TAL1: variants seen among roughly 807,000 people sequenced by gnomAD.
TAL1 encodes the protein T-cell acute lymphocytic leukemia protein 1.
A neutral mutation model predicts 17.9 loss-of-function variants in TAL1; 8 were observed. The observed-to-expected ratio is 0.45, with a 90% confidence interval of 0.26 to 0.81. The LOEUF (loss-of-function observed/expected upper bound fraction) is 0.81, where lower values mean the gene tolerates loss of function less well. Among genes scored for constraint, TAL1 ranks in the 30% least tolerant of loss-of-function variants. The pLI is 0.17. For missense variants in TAL1, 466 were observed against 486.9 expected (o/e 0.96, Z 0.40); for synonymous variants, 223 against 218.6 (o/e 1.02, Z -0.18).
At chr1:47,219,258 A>G in exon 4 of TAL1, 1 of 446,184 alleles carries the variant, frequency 2.2e-6, no homozygotes, top group Non-Finnish European at 4.2e-6. Flanking sequence ...CGAAATGGGC[A>G]GCTATTGGGT....
At chr1:47,218,616 C>A in exon 4 of TAL1, 1 of 232,860 alleles carries the variant, frequency 4.3e-6, no homozygotes, top group Non-Finnish European at 8.5e-6. Flanking sequence ...TTTCCCATAC[C>A]CTAGAAGTGA....
chr1:47,219,894 G>GGCCCCCCCCCCCCC lies in TAL1; in HGVS notation c.821_822insGGGGGGGGGGGGGC (p.Ala275GlyfsTer175). On this transcript the variant is annotated frameshift_variant, in exon 4 of 4. Transcript: ENST00000294339. LOFTEE classifies it high-confidence loss of function. ...CTTGCAGGAGGTCATCTGGGGGCGC[G>GGCCCCCCCCCCCCC]CCGCCCCCTCCCCCACCTCCACCCC... The GGCCCCCCCCCCCCC allele has an allele frequency of 4.5e-6, 7 of 1,555,982 alleles. No homozygotes were observed. The highest frequency in any genetic ancestry group is 5.2e-6 in the Non-Finnish European group (6 of 1,149,536).
At chr1:47,228,529 C>A in intron 1 of TAL1, 1 of 181,170 alleles carries the variant, frequency 5.5e-6, no homozygotes, top group Non-Finnish European at 1.2e-5. Flanking sequence ...CCACCTGTGC[C>A]AGAACAAGAC....
intron 3 of TAL1, 59 bp from the exon 5 acceptor site, chr1:47,220,233 A>G: frequency 2.7e-6 from 4 of 1,457,230 alleles, no homozygotes; most frequent in South Asian, 1.7e-5. Context: ...CCCCAAAGGC[A>G]TCTCCATACA....
chr1:47,225,766 C>G lies in TAL1; in HGVS notation c.123G>C (p.Thr41=), dbSNP rs749559285. The change falls in exon 2 of 4, where the codon ACG becomes ACC. Residue 41 remains threonine, a synonymous_variant. Transcript: ENST00000294339. ...GGGGCTCCGCTGCGGCCGCGCGGCT[C>G]GTCTCCTTGGCGACGCCGTTCAGCA... 2.5e-5 allele frequency: 38 copies of G among 1,549,698 alleles called. No individual in the cohort carries two copies. In the African/African-American group the frequency reaches 4.8e-4, roughly 20 times the overall value.
chr1:47,219,894 G>GGCCCCCCCCCCCCCCCCCCCCCCCCC lies in TAL1; in HGVS notation c.821_822insGGGGGGGGGGGGGGGGGGGGGGGGGC (p.Ala275GlyfsTer179). The GGCCCCCCCCCCCCCCCCCCCCCCCCC allele has an allele frequency of 1.3e-6, 2 of 1,556,022 alleles. No individual in the cohort carries two copies. The highest frequency in any genetic ancestry group is 8.7e-7 in the Non-Finnish European group (1 of 1,149,572). Reference sequence around the variant, plus strand: ...CTTGCAGGAGGTCATCTGGGGGCGCGCCGCCCCCTCCCCCACCTCCACCCC... The same window carrying GGCCCCCCCCCCCCCCCCCCCCCCCCC: ...CTTGCAGGAGGTCATCTGGGGGCGCGGCCCCCCCCCCCCCCCCCCCCCCCCCCCGCCCCCTCCCCCACCTCCACCCC... On this transcript the variant is annotated frameshift_variant, in exon 4 of 4. Coordinates refer to ENST00000294339, the Ensembl canonical transcript of TAL1. LOFTEE classifies it high-confidence loss of function.
exon 4 of TAL1, chr1:47,218,867 C>A (rs371934334): frequency 1.6e-5 from 4 of 244,824 alleles, no homozygotes; most frequent in Non-Finnish European, 3.2e-5. Context: ...GGCATTCACT[C>A]GCCAGCATGA....
At chr1:47,218,006 G>C (rs952823490) in exon 4 of TAL1, 2 of 360,916 alleles carry the variant, frequency 5.5e-6, no homozygotes, top group Non-Finnish European at 9.9e-6. Flanking sequence ...AAAGGAAGGG[G>C]AAAGGAGCAG....
exon 2 of TAL1, chr1:47,225,517 G>T: frequency 8.1e-7 from 1 of 1,237,170 alleles, no homozygotes; most frequent in East Asian, 3.2e-5. Context: ...CAGCCAGCGC[G>T]GGAGGACTCA....
chr1:47,217,482 C>T (rs756154875), exon 4 of TAL1: 4 of 398,340 alleles, frequency 1.0e-5, no homozygotes, highest in Non-Finnish European at 1.8e-5. Flanking sequence ...CTAAATTACC[C>T]AAATGCTGGG....
exon 4 of TAL1, chr1:47,218,243 C>T (rs1645539103): frequency 4.3e-6 from 1 of 233,406 alleles, no homozygotes; most frequent in Admixed American, 5.6e-5. Flanking sequence ...TACAGGACTT[C>T]TGTGCAATTT....
chr1:47,228,256 G>A (rs917435049), intron 1 of TAL1: 1 of 172,810 alleles, frequency 5.8e-6, no homozygotes, highest in African/African-American at 2.4e-5. Flanking sequence ...CCAGCCAGAG[G>A]TCCATGCCCC....
At chr1:47,217,992 C>T in exon 4 of TAL1, 1 of 378,084 alleles carries the variant, frequency 2.6e-6, no homozygotes, top group East Asian at 3.8e-5. Context: ...TTGGACCTTA[C>T]TTAAAAGGAA....
exon 1 of TAL1, chr1:47,229,441 A>G (rs1045623423): frequency 1.7e-5 from 3 of 177,496 alleles, no homozygotes; most frequent in Admixed American, 6.3e-5. Flanking sequence ...ATGGGGGTCA[A>G]TGGCTGGGAA....
chr1:47,222,113 C>T (rs1019889080), intron 3 of TAL1, among the ~76,000 whole-genome samples: 3 of 152,242 alleles, frequency 2.0e-5, no homozygotes, highest in African/African-American at 7.2e-5. Flanking sequence ...GAGAGCATCC[C>T]TCAGCAGTGA....
chr1:47,221,809 C>T (rs1643816254), intron 3 of TAL1, among the ~76,000 whole-genome samples: 1 of 152,216 alleles, frequency 6.6e-6, no homozygotes, highest in Non-Finnish European at 1.5e-5. Flanking sequence ...TGAATCAGCT[C>T]ATCCATGCCA....
At chr1:47,225,135 C>T (rs563970491) in intron 2 of TAL1, among the ~76,000 whole-genome samples, 1 of 152,198 alleles carries the variant, frequency 6.6e-6, no homozygotes, top group East Asian at 1.9e-4. Flanking sequence ...ACACCACCAC[C>T]AAGCACACCA....
At position 47,219,894 on chromosome 1, in the gene TAL1, G is replaced by GGGCCCCCCCCCCC; in HGVS notation, c.821_822insGGGGGGGGGGGCC (p.Ala275GlyfsTer9). On this transcript the variant is annotated frameshift_variant, in exon 4 of 4. Coordinates refer to ENST00000294339, the Ensembl canonical transcript of TAL1. LOFTEE classifies it high-confidence loss of function. The stretch of plus-strand genomic sequence containing the variant: ...CTTGCAGGAGGTCATCTGGGGGCGC[G>GGGCCCCCCCCCCC]CCGCCCCCTCCCCCACCTCCACCCC... 1 of 1,556,036 alleles carries GGGCCCCCCCCCCC rather than the reference G, an allele frequency of 6.4e-7. No individual in the cohort carries two copies. Among genetic ancestry groups the GGGCCCCCCCCCCC allele is most frequent in the Non-Finnish European group, 8.7e-7 (1 of 1,149,580 alleles).
At chr1:47,228,368 T>C (rs1010524318) in intron 1 of TAL1, 1 of 186,526 alleles carries the variant, frequency 5.4e-6, no homozygotes, top group Non-Finnish European at 1.1e-5. Flanking sequence ...TTGTTTTTAT[T>C]TGGGGAGAAT....
Sources: gnomAD v4.1 joint callset for allele counts (sites outside exome capture counted in the v4.1 genomes callset) on GRCh38, gnomAD v4.1.1 for gene constraint, MANE v1.5 for transcripts, NCBI Gene and HGNC (gene_info 2026-07-23, HGNC 2026-07-21) for gene names.